CHRM3: variants seen among roughly 807,000 people sequenced by gnomAD.
The protein encoded by CHRM3 is muscarinic acetylcholine receptor M3.
CHRM3 carries 11 observed loss-of-function variants against 41.8 expected under a neutral mutation model. That is an observed-to-expected ratio of 0.26 (90% CI 0.17 to 0.44). The LOEUF is 0.44. Ranked by LOEUF, CHRM3 falls within the 20% of genes least tolerant of loss-of-function variation. The pLI, the probability that CHRM3 is intolerant of heterozygous loss-of-function variation, is 1.00. For synonymous variants in CHRM3, 297 were observed against 301.4 expected, an observed-to-expected ratio of 0.99 and a Z score of 0.15; for missense variants, 571 against 745.4, an observed-to-expected ratio of 0.77 and a Z score of 2.72.
At chr1:239,486,568 G>A (rs536391542) in intron 1 of CHRM3, among the ~76,000 whole-genome samples, 1 of 152,200 alleles carries the variant, frequency 6.6e-6, no homozygotes, top group Non-Finnish European at 1.5e-5. Context: ...AGGTTCTGCA[G>A]GCCATATGAC....
intron 1 of CHRM3, among the ~76,000 whole-genome samples, chr1:239,406,850 GT>G (rs1660632264): frequency 6.6e-6 from 1 of 152,178 alleles, no homozygotes. Flanking sequence ...CTAGATGTGT[GT>G]TTATAATCTA....
chr1:239,473,261 T>A (rs1483922668), intron 1 of CHRM3, among the ~76,000 whole-genome samples: 2 of 140,164 alleles, frequency 1.4e-5, no homozygotes, highest in African/African-American at 5.7e-5. Flanking sequence ...GTAAGCATAT[T>A]TGAAAAAAAA....
intron 5 of CHRM3, among the ~76,000 whole-genome samples, chr1:239,806,691 T>C (rs1190984372): frequency 1.3e-5 from 2 of 152,206 alleles, no homozygotes; most frequent in African/African-American, 4.8e-5. Flanking sequence ...ATTGTAGATA[T>C]TGTAGAAAAC....
chr1:239,888,700 G>A (rs1678283386), intron 6 of CHRM3, among the ~76,000 whole-genome samples: 1 of 152,082 alleles, frequency 6.6e-6, no homozygotes, highest in African/African-American at 2.4e-5. Flanking sequence ...TTCATGGGGA[G>A]AAACCAAGTA....
At chr1:239,719,954 T>G (rs1662770880) in intron 5 of CHRM3, among the ~76,000 whole-genome samples, 1 of 151,954 alleles carries the variant, frequency 6.6e-6, no homozygotes, top group Non-Finnish European at 1.5e-5. Flanking sequence ...GTTTGGCACC[T>G]GGGATGGCAA....
chr1:239,542,938 A>G (rs1052795587), intron 2 of CHRM3, among the ~76,000 whole-genome samples: 2 of 152,162 alleles, frequency 1.3e-5, no homozygotes, highest in African/African-American at 4.8e-5. Flanking sequence ...TATAACCTTC[A>G]TGCTTTCTTC....
chr1:239,740,557 C>G (rs1035696622), intron 5 of CHRM3, among the ~76,000 whole-genome samples: 8 of 151,830 alleles, frequency 5.3e-5, no homozygotes, highest in African/African-American at 1.9e-4. Context: ...ACCGATCAAC[C>G]CATCATCTAG....
chr1:239,893,564 G>C (rs1039376679), intron 6 of CHRM3, among the ~76,000 whole-genome samples: 1 of 151,968 alleles, frequency 6.6e-6, no homozygotes, highest in Non-Finnish European at 1.5e-5. Context: ...TCCCCACCTC[G>C]TATGGCTATT....
chr1:239,867,468 A>T (rs1406604988), intron 6 of CHRM3, among the ~76,000 whole-genome samples: 1 of 152,122 alleles, frequency 6.6e-6, no homozygotes, highest in Admixed American at 6.5e-5. Flanking sequence ...CGGGCAGATC[A>T]TTTGAGGTCA....
rs766964015 is a variant in CHRM3 at position 239,907,523 on chromosome 1, C to T, written c.72C>T (p.Pro24=). The part of the protein sequence containing the change: ...PNISSSWIHS[P]SDAGLPPGTV... ...TCAGCTCCTCCTGGATACACAGCCC[C>T]TCCGATGCAGGGCTGCCCCCGGGAA... Residue 24 remains proline (P), a synonymous_variant, in exon 7 of 7, where the codon CCC becomes CCT. Transcript: ENST00000676153. This position sits in a 1 kb window ranked among gnomAD's most constrained non-coding sequence, Gnocchi z 5.4. The T allele has an allele frequency of 1.9e-6, 3 of 1,614,202 alleles. No individual in the cohort carries two copies. Among genetic ancestry groups the T allele is most frequent in the South Asian group, 1.1e-5 (1 of 91,082 alleles).
chr1:239,790,615 A>G (rs1336567550), intron 5 of CHRM3, among the ~76,000 whole-genome samples: 4 of 152,208 alleles, frequency 2.6e-5, no homozygotes, highest in African/African-American at 9.7e-5. Flanking sequence ...AGTCTTGGGT[A>G]TGTCTTTATT....
chr1:239,553,819 A>G (rs10925917), intron 3 of CHRM3, among the ~76,000 whole-genome samples: 40,480 of 152,126 alleles, frequency 0.27, 6,712 homozygotes, highest in Middle Eastern at 0.51. Context: ...TATGTTATTT[A>G]TCCCAACAAG....
At chr1:239,900,549 G>A (rs1679458302) in intron 6 of CHRM3, among the ~76,000 whole-genome samples, 1 of 151,956 alleles carries the variant, frequency 6.6e-6, no homozygotes. Flanking sequence ...AAGAAGGTGG[G>A]AGGGATCTTG....
chr1:239,882,083 T>G (rs976096874), intron 6 of CHRM3, among the ~76,000 whole-genome samples: 2 of 152,072 alleles, frequency 1.3e-5, no homozygotes, highest in Admixed American at 6.6e-5. Context: ...TTTTTGTATT[T>G]TTTTAGTAGA....
intron 5 of CHRM3, among the ~76,000 whole-genome samples, chr1:239,679,027 G>GGATAGATAGACA (rs1553362063): frequency 6.7e-6 from 1 of 148,666 alleles, no homozygotes; most frequent in African/African-American, 2.5e-5. Context: ...GTAGATAGAT[G>GGATAGATAGACA]GATAGATAGA....
At chr1:239,866,853 G>C (rs1372458372) in intron 6 of CHRM3, among the ~76,000 whole-genome samples, 1 of 152,124 alleles carries the variant, frequency 6.6e-6, no homozygotes, top group African/African-American at 2.4e-5. Flanking sequence ...ACTCTGACTT[G>C]GGATGTTGCA....
intron 1 of CHRM3, among the ~76,000 whole-genome samples, chr1:239,410,098 A>C (rs2103037445): frequency 6.6e-6 from 1 of 152,328 alleles, no homozygotes; most frequent in Admixed American, 6.5e-5. Flanking sequence ...CATTTTAAGA[A>C]GCATTTTAGT....
At chr1:239,573,079 C>T (rs538620009) in intron 3 of CHRM3, among the ~76,000 whole-genome samples, 1 of 152,266 alleles carries the variant, frequency 6.6e-6, no homozygotes, top group African/African-American at 2.4e-5. Flanking sequence ...ACACATAGTA[C>T]GGACACCTTT....
At chr1:239,706,717 C>A (rs1336504660) in intron 5 of CHRM3, among the ~76,000 whole-genome samples, 1 of 151,658 alleles carries the variant, frequency 6.6e-6, no homozygotes, top group Non-Finnish European at 1.5e-5. Context: ...TGCATGTACA[C>A]ATACACATGG....
Sources: allele counts gnomAD v4.1 joint callset (sites outside exome capture counted in the v4.1 genomes callset), GRCh38; gene constraint gnomAD v4.1.1; non-coding constraint Gnocchi (gnomAD v3.1); transcripts MANE v1.5; gene names NCBI Gene and HGNC (gene_info 2026-07-23, HGNC 2026-07-21).